Variants in FRMPD4 observed in about 807,000 individuals in gnomAD.
FRMPD4 encodes the protein FERM and PDZ domain-containing protein 4.
Under a neutral mutation model 94.1 loss-of-function variants are expected in FRMPD4, and 22 were observed. The observed-to-expected ratio is 0.23, with a 90% confidence interval of 0.17 to 0.33. The LOEUF is 0.33. Among genes scored for constraint, FRMPD4 ranks in the 10% least tolerant of loss-of-function variants. The pLI is 1.00. For synonymous variants in FRMPD4, 631 were observed against 548.6 expected, an observed-to-expected ratio of 1.15 and a Z score of -2.10; for missense variants, 1,111 against 1,339.9, an observed-to-expected ratio of 0.83 and a Z score of 2.67.
chrX:12,575,681 T>C (rs984419964), intron 2 of FRMPD4, among the ~76,000 whole-genome samples: 3 of 111,793 alleles, frequency 2.7e-5, no homozygotes, highest in Non-Finnish European at 5.6e-5. Context: ...GGAGATCATC[T>C]TGGATCATCT....
chrX:12,186,567 G>T (rs2056427843), intron 1 of FRMPD4, among the ~76,000 whole-genome samples: 1 of 111,195 alleles, frequency 9.0e-6, no homozygotes, highest in Admixed American at 9.6e-5. Context: ...TCGACACCTT[G>T]CCTATTGAAG....
intron 3 of FRMPD4, among the ~76,000 whole-genome samples, chrX:12,092,772 T>C (rs1164421669): frequency 9.0e-6 from 1 of 111,526 alleles, no homozygotes; most frequent in Admixed American, 9.5e-5. Context: ...GACACAGTAG[T>C]GATCAGGTCA....
At chrX:12,451,160 T>C (rs1448860654) in intron 1 of FRMPD4, among the ~76,000 whole-genome samples, 2 of 111,493 alleles carry the variant, frequency 1.8e-5, no homozygotes, top group Non-Finnish European at 3.8e-5. Flanking sequence ...GCATGGTTCA[T>C]GTCTTCTCCT....
At chrX:12,476,296 C>T (rs1232207978) in intron 1 of FRMPD4, among the ~76,000 whole-genome samples, 1 of 111,498 alleles carries the variant, frequency 9.0e-6, no homozygotes, top group South Asian at 3.8e-4. Context: ...TTCCTTACAC[C>T]TTATACAAAA....
intron 3 of FRMPD4, among the ~76,000 whole-genome samples, chrX:12,046,377 C>G (rs898039866): frequency 9.0e-6 from 1 of 110,504 alleles, no homozygotes; most frequent in Admixed American, 9.6e-5. Flanking sequence ...CAAACATGTG[C>G]GTGTTTTTCC....
At chrX:12,402,874 C>G (rs965373959) in intron 1 of FRMPD4, among the ~76,000 whole-genome samples, 1 of 112,117 alleles carries the variant, frequency 8.9e-6, no homozygotes, top group African/African-American at 3.2e-5. Flanking sequence ...TCAGCCCTTA[C>G]CAAACAAGTG....
chrX:12,449,268 A>G (rs1276929948), intron 1 of FRMPD4, among the ~76,000 whole-genome samples: 1 of 112,361 alleles, frequency 8.9e-6, no homozygotes, highest in Non-Finnish European at 1.9e-5. Context: ...GCAACTGTGG[A>G]CAAGTTGCTC....
chrX:12,371,444 C>A (rs2056161108), intron 1 of FRMPD4, among the ~76,000 whole-genome samples: 1 of 112,344 alleles, frequency 8.9e-6, no homozygotes, highest in African/African-American at 3.2e-5. Context: ...CCCTCATTAA[C>A]CCTTATTTTC....
At chrX:12,308,838 G>A (rs768925613) in intron 1 of FRMPD4, among the ~76,000 whole-genome samples, 4 of 112,757 alleles carry the variant, frequency 3.5e-5, no homozygotes, top group African/African-American at 6.4e-5. Context: ...TAAATGTTTT[G>A]TTTTAATAAA....
chrX:12,240,999 CAAAT>C (rs1265106468), intron 1 of FRMPD4, among the ~76,000 whole-genome samples: 2 of 111,968 alleles, frequency 1.8e-5, no homozygotes, highest in Admixed American at 9.5e-5. Flanking sequence ...AAGAAAGAGA[CAAAT>C]AACAGGAATA....
chrX:11,837,480 T>C (rs992985822), intron 1 of FRMPD4, among the ~76,000 whole-genome samples: 1 of 111,473 alleles, frequency 9.0e-6, no homozygotes, highest in Admixed American at 9.5e-5. Flanking sequence ...AAAAGAATCA[T>C]GCAACAAAAA....
At chrX:12,692,582 G>C (rs944216074) in intron 8 of FRMPD4, among the ~76,000 whole-genome samples, 2 of 112,094 alleles carry the variant, frequency 1.8e-5, no homozygotes, top group Admixed American at 9.5e-5. Context: ...ACTACTTAAA[G>C]TTTCCAAGAA....
intron 1 of FRMPD4, among the ~76,000 whole-genome samples, chrX:12,233,482 A>G (rs2057035338): frequency 1.8e-5 from 2 of 111,483 alleles, no homozygotes; most frequent in Non-Finnish European, 3.8e-5. Flanking sequence ...GAACTCTTTT[A>G]TTAGGTCTTA....
chrX:12,176,414 CA>C (rs971126392), intron 1 of FRMPD4, among the ~76,000 whole-genome samples: 2 of 110,473 alleles, frequency 1.8e-5, no homozygotes, highest in Non-Finnish European at 3.8e-5. Flanking sequence ...CCAATCAAGA[CA>C]AAAAAAAGCC....
chrX:11,933,663 C>T lies in FRMPD4; in HGVS notation c.95+55645C>T, dbSNP rs147881473. On this transcript the variant is annotated intron_variant, in intron 3 of 18. Transcript: ENST00000640291. ...TTTCAGGAGCCAACTGTACTCATTC[C>T]CAAATGGGGAGAATAATTGTATGCA... Among the ~76,000 whole-genome samples, 504 of 112,463 alleles carry T rather than the reference C, an allele frequency of 4.5e-3. 3 individuals carry two copies. The highest frequency in any genetic ancestry group is 0.015 in the African/African-American group (471 of 31,028).
intron 1 of FRMPD4, among the ~76,000 whole-genome samples, chrX:12,263,183 G>A (rs1279459065): frequency 9.0e-6 from 1 of 111,705 alleles, no homozygotes; most frequent in Non-Finnish European, 1.9e-5. Context: ...AGTGTTACTG[G>A]CACAGGGAGA....
intron 3 of FRMPD4, among the ~76,000 whole-genome samples, chrX:11,882,085 A>C (rs2053817092): frequency 1.8e-5 from 2 of 111,840 alleles, no homozygotes; most frequent in African/African-American, 6.5e-5. Flanking sequence ...CCAAGATATA[A>C]AAAAAAGTTT....
At chrX:11,983,495 T>C (rs1177458087) in intron 3 of FRMPD4, among the ~76,000 whole-genome samples, 1 of 112,408 alleles carries the variant, frequency 8.9e-6, no homozygotes, top group Non-Finnish European at 1.9e-5. Context: ...GCCCTCCGGA[T>C]TTTTTACTTT....
intron 1 of FRMPD4, among the ~76,000 whole-genome samples, chrX:12,195,677 G>A (rs755771271): frequency 8.9e-6 from 1 of 111,761 alleles, no homozygotes; most frequent in African/African-American, 3.2e-5. Context: ...AAAAACAACC[G>A]ATTGTGTAGG....
Sources: gnomAD v4.1 joint callset for allele counts (sites outside exome capture counted in the v4.1 genomes callset) on GRCh38, gnomAD v4.1.1 for gene constraint, MANE v1.5 for transcripts, NCBI Gene and HGNC (gene_info 2026-07-23, HGNC 2026-07-21) for gene names.